The following TMTC2 variants were observed in gnomAD, a reference collection of about 807,000 sequenced individuals.
The protein encoded by TMTC2 is protein O-mannosyl-transferase TMTC2.
A neutral mutation model predicts 82.4 loss-of-function variants in TMTC2; 43 were observed. The ratio of observed to expected loss-of-function variants is 0.52; its 90% CI spans 0.41 to 0.67. The LOEUF (loss-of-function observed/expected upper bound fraction) is 0.67. TMTC2 is among the 30% of genes least tolerant of loss of function. The pLI is 0.00. For synonymous variants in TMTC2, 408 were observed against 381.9 expected (o/e 1.07, Z -0.80); for missense variants, 919 against 1,012.4 (o/e 0.91, Z 1.25).
At chr12:82,702,137 A>G (rs1484338105) in intron 1 of TMTC2, among the ~76,000 whole-genome samples, 1 of 152,236 alleles carries the variant, frequency 6.6e-6, no homozygotes, top group Non-Finnish European at 1.5e-5. Context: ...GGAGTAATTA[A>G]TAACGTTTGG....
intron 10 of TMTC2, among the ~76,000 whole-genome samples, chr12:83,056,348 A>G (rs1322716998): frequency 6.6e-6 from 1 of 151,930 alleles, no homozygotes; most frequent in Non-Finnish European, 1.5e-5. Context: ...AAGGTAGTAA[A>G]AATAGCAAAA....
chr12:83,058,571 G>C (rs549696622), intron 10 of TMTC2, among the ~76,000 whole-genome samples: 6 of 151,916 alleles, frequency 3.9e-5, no homozygotes, highest in African/African-American at 1.4e-4. Flanking sequence ...TGTTGGCATA[G>C]GGATTAAATA....
chr12:83,093,187 G>A (rs572482087), intron 11 of TMTC2, among the ~76,000 whole-genome samples: 4 of 152,038 alleles, frequency 2.6e-5, no homozygotes, highest in African/African-American at 4.8e-5. Flanking sequence ...ACTAGTCTAC[G>A]ACATAAAGAA....
At chr12:82,807,128 T>G (rs1428139593) in intron 1 of TMTC2, among the ~76,000 whole-genome samples, 1 of 152,192 alleles carries the variant, frequency 6.6e-6, no homozygotes, top group Non-Finnish European at 1.5e-5. Context: ...TAGTGTGCTG[T>G]TCATTCAATA....
At chr12:82,705,877 C>T (rs1873328502) in intron 1 of TMTC2, among the ~76,000 whole-genome samples, 1 of 152,136 alleles carries the variant, frequency 6.6e-6, no homozygotes, top group Non-Finnish European at 1.5e-5. Flanking sequence ...AACAGCTACT[C>T]TAAAATAGAG....
At chr12:82,921,202 T>C (rs750108222) in intron 3 of TMTC2, among the ~76,000 whole-genome samples, 4 of 152,166 alleles carry the variant, frequency 2.6e-5, no homozygotes, top group Non-Finnish European at 4.4e-5. Context: ...TACCATCTTA[T>C]GATATTCTAC....
intron 3 of TMTC2, among the ~76,000 whole-genome samples, chr12:82,901,733 G>A (rs1874031215): frequency 6.6e-6 from 1 of 152,080 alleles, no homozygotes; most frequent in African/African-American, 2.4e-5. Context: ...GAGATTTTAT[G>A]TAAATCTGGT....
chr12:82,914,712 A>G (rs139265742), intron 3 of TMTC2, among the ~76,000 whole-genome samples: 18 of 152,234 alleles, frequency 1.2e-4, no homozygotes, highest in African/African-American at 2.2e-4. Context: ...CATTAATGAA[A>G]TATACCATCT....
intron 9 of TMTC2, 29 bp downstream of exon 9, chr12:83,030,908 T>G (rs1322670355): frequency 1.3e-6 from 2 of 1,506,822 alleles, no homozygotes; most frequent in African/African-American, 2.7e-5. Flanking sequence ...TTTTTCCATG[T>G]CCCCCACATT....
intron 2 of TMTC2, among the ~76,000 whole-genome samples, chr12:82,876,687 G>A (rs574984919): frequency 2.0e-5 from 3 of 151,984 alleles, no homozygotes; most frequent in South Asian, 4.2e-4. Context: ...TATAATTGAC[G>A]TTTTTCAAGG....
At chr12:82,766,544 A>G (rs1283107309) in intron 1 of TMTC2, among the ~76,000 whole-genome samples, 5 of 152,186 alleles carry the variant, frequency 3.3e-5, no homozygotes, top group Admixed American at 3.3e-4. Flanking sequence ...ATCACAATTA[A>G]TAACAAATGG....
intron 11 of TMTC2, among the ~76,000 whole-genome samples, chr12:83,071,783 T>C (rs763682367): frequency 2.6e-4 from 40 of 152,172 alleles, no homozygotes; most frequent in Non-Finnish European, 5.3e-4. Context: ...TTTTCTAATT[T>C]ATATGTGTCA....
chr12:82,958,432 G>A (rs1048006944), intron 4 of TMTC2, among the ~76,000 whole-genome samples: 3 of 148,282 alleles, frequency 2.0e-5, no homozygotes, highest in Non-Finnish European at 4.5e-5. Flanking sequence ...AAAATCTTCA[G>A]TAAAATACTA....
At chr12:82,820,595 G>A (rs183363169) in intron 1 of TMTC2, among the ~76,000 whole-genome samples, 5 of 152,150 alleles carry the variant, frequency 3.3e-5, no homozygotes, top group African/African-American at 1.2e-4. Context: ...GGCTGGTCTT[G>A]AACTCCTGAC....
chr12:82,801,695 T>C (rs1294457127), intron 1 of TMTC2, among the ~76,000 whole-genome samples: 1 of 152,098 alleles, frequency 6.6e-6, no homozygotes, highest in African/African-American at 2.4e-5. Flanking sequence ...AGGGTGCTGA[T>C]TGATGCATCT....
chr12:82,890,259 C>G (rs1313242570), intron 2 of TMTC2, among the ~76,000 whole-genome samples: 1 of 148,552 alleles, frequency 6.7e-6, no homozygotes. Context: ...ATTTTTTTTT[C>G]TGTTGGGTTT....
intron 1 of TMTC2, among the ~76,000 whole-genome samples, chr12:82,779,288 C>G (rs1592515101): frequency 1.3e-5 from 2 of 151,684 alleles, no homozygotes; most frequent in African/African-American, 4.8e-5. Flanking sequence ...ATGGGCTTGC[C>G]GATGGAGAGA....
At chr12:82,871,419 T>A (rs1464594780) in intron 2 of TMTC2, among the ~76,000 whole-genome samples, 1 of 152,012 alleles carries the variant, frequency 6.6e-6, no homozygotes, top group East Asian at 1.9e-4. Context: ...TTATCTACAG[T>A]AGCTTTGAAT....
Position 82,733,774 on chromosome 12 carries a change from G to T in TMTC2, c.83+46105G>T, listed in dbSNP as rs555686253. 2.0e-4 allele frequency among the ~76,000 whole-genome samples: 30 copies of T among 152,294 alleles called. 1 individual carries two copies. In the South Asian group the frequency reaches 3.5e-3, roughly 18 times the overall value. ...TTTGTGGAGGATATAATGCTATTCT[G>T]TATCGAAATTTGTGTACTTCTCTAT... On this transcript the variant is annotated intron_variant, in intron 1 of 11. Transcript: ENST00000321196.
Sources: allele counts gnomAD v4.1 joint callset (sites outside exome capture counted in the v4.1 genomes callset), GRCh38; gene constraint gnomAD v4.1.1; transcripts MANE v1.5; gene names NCBI Gene and HGNC (gene_info 2026-07-23, HGNC 2026-07-21).